CACNG3: variants seen among roughly 807,000 people sequenced by gnomAD.
CACNG3 encodes calcium voltage-gated channel auxiliary subunit gamma 3, also known as voltage-dependent calcium channel gamma-3 subunit.
In CACNG3, 3 loss-of-function variants were observed where a neutral mutation model predicts 28.5. That is an observed-to-expected ratio of 0.11 (90% confidence interval 0.05 to 0.27). The LOEUF is 0.27. Among genes scored for constraint, CACNG3 ranks in the 10% least tolerant of loss-of-function variants. The pLI is 1.00. For missense variants in CACNG3, 236 were observed against 414.4 expected (o/e 0.57, Z 3.74); for synonymous variants, 174 against 162.2 (o/e 1.07, Z -0.55).
At chr16:24,310,788 T>C (rs1009668703) in intron 1 of CACNG3, among the ~76,000 whole-genome samples, 10 of 152,130 alleles carry the variant, frequency 6.6e-5, no homozygotes, top group African/African-American at 2.4e-4. Context: ...TGAACCTGGA[T>C]AGTCTGCCTC....
intron 1 of CACNG3, among the ~76,000 whole-genome samples, chr16:24,317,704 G>GA (rs1328326965): frequency 8.4e-5 from 9 of 107,114 alleles, no homozygotes; most frequent in African/African-American, 1.6e-4. Context: ...AAGAAAGAAA[G>GA]AAAGAAAGAA....
At position 24,256,548 on chromosome 16, in the gene CACNG3, T is replaced by C; in HGVS notation, c.-207T>C. 1.7e-6 allele frequency: 1 copy of C among 578,874 alleles called. No homozygotes were observed. The highest frequency in any genetic ancestry group is 3.0e-5 in the Admixed American group (1 of 33,206). The allele number at this position is 578,874 out of a possible 1,614,324, so 35.9% of individuals were successfully genotyped here. On this transcript the variant is annotated 5_prime_UTR_variant, in exon 1 of 4. Transcript: ENST00000005284. This position sits in a 1 kb window ranked among gnomAD's most constrained non-coding sequence, Gnocchi z 4.6. ...GACCAACCCCCCGGAGCCTGCACCC[T>C]TCCGAGGGCCATAGGCGACCCAGGG...
At chr16:24,280,840 A>AAAAAAC in intron 1 of CACNG3, among the ~76,000 whole-genome samples, 1 of 151,184 alleles carries the variant, frequency 6.6e-6, no homozygotes, top group Non-Finnish European at 1.5e-5. Flanking sequence ...AAAAAAAAAA[A>AAAAAAC]AAAAAGACCA....
chr16:24,313,942 G>A (rs954056025), intron 1 of CACNG3, among the ~76,000 whole-genome samples: 4 of 151,600 alleles, frequency 2.6e-5, no homozygotes, highest in Admixed American at 1.3e-4. Flanking sequence ...ACAGGATATC[G>A]CCATGTTGGC....
chr16:24,356,423 T>C (rs1173391289), intron 3 of CACNG3, among the ~76,000 whole-genome samples: 1 of 152,212 alleles, frequency 6.6e-6, no homozygotes, highest in Non-Finnish European at 1.5e-5. Flanking sequence ...CAACTGCAGC[T>C]GGGCTTGGTG....
intron 2 of CACNG3, among the ~76,000 whole-genome samples, chr16:24,353,184 A>G (rs1032578736): frequency 2.6e-5 from 4 of 152,104 alleles, no homozygotes; most frequent in Non-Finnish European, 4.4e-5. Context: ...CATGTTGCCC[A>G]GGTTGGTCTT....
rs545924418 is a variant in CACNG3 at position 24,322,732 on chromosome 16, C to T, written c.212-24002C>T. On this transcript the variant is annotated intron_variant, in intron 1 of 3. Coordinates refer to ENST00000005284, the MANE Select transcript of CACNG3 (RefSeq NM_006539.4). ...CTTAAAGTAACTTTCTCAGTCATTC[C>T]GTGTGCATATTGAGACATATCTATA... Among the ~76,000 whole-genome samples the T allele has an allele frequency of 5.9e-5, 9 of 152,194 alleles. No homozygotes were observed. In the South Asian group the frequency reaches 1.5e-3, roughly 25 times the overall value.
chr16:24,272,833 T>C (rs1248021588), intron 1 of CACNG3, among the ~76,000 whole-genome samples: 1 of 152,216 alleles, frequency 6.6e-6, no homozygotes, highest in African/African-American at 2.4e-5. Flanking sequence ...TATTCCATTA[T>C]ATAATTGCTT....
intron 1 of CACNG3, among the ~76,000 whole-genome samples, chr16:24,298,975 C>T (rs1899069898): frequency 6.6e-6 from 1 of 152,194 alleles, no homozygotes; most frequent in East Asian, 1.9e-4. Context: ...ACATGACTCA[C>T]CACTGATGAC....
At chr16:24,268,416 G>T (rs1329533832) in intron 1 of CACNG3, among the ~76,000 whole-genome samples, 1 of 152,144 alleles carries the variant, frequency 6.6e-6, no homozygotes, top group Non-Finnish European at 1.5e-5. Context: ...ACCTGGGCTG[G>T]TGGGTTGGGT....
At chr16:24,289,205 C>T (rs956093882) in intron 1 of CACNG3, among the ~76,000 whole-genome samples, 4 of 152,016 alleles carry the variant, frequency 2.6e-5, no homozygotes, top group African/African-American at 9.7e-5. Flanking sequence ...CCGATGAATT[C>T]GCCTTAGAAC....
At chr16:24,338,671 G>A (rs754046051) in intron 1 of CACNG3, among the ~76,000 whole-genome samples, 6 of 152,024 alleles carry the variant, frequency 3.9e-5, no homozygotes, top group South Asian at 4.1e-4. Context: ...TTCAAAGCTC[G>A]GTTATATTGT....
chr16:24,362,193 A>AG lies in CACNG3; in HGVS notation c.*336dup, dbSNP rs1900111203. On this transcript the variant is annotated 3_prime_UTR_variant, in exon 4 of 4. Coordinates refer to ENST00000005284, the MANE Select transcript of CACNG3 (RefSeq NM_006539.4). ...TTACTAAAAGTCACAGGTGGTGGCCAGGGGGGATTTCCGAATCTCCATCAG... is the reference window on the plus strand; with the variant it reads ...TTACTAAAAGTCACAGGTGGTGGCCAGGGGGGGATTTCCGAATCTCCATCAG... 4.6e-6 allele frequency: 1 copy of AG among 217,196 alleles called. No homozygotes were observed. The allele number at this position is 217,196 out of a possible 1,614,324, so 13.5% of individuals were successfully genotyped here.
At chr16:24,305,910 C>G (rs1275548671) in intron 1 of CACNG3, among the ~76,000 whole-genome samples, 1 of 152,112 alleles carries the variant, frequency 6.6e-6, no homozygotes, top group South Asian at 2.1e-4. Context: ...TGGCCTTAAG[C>G]AATTCTCTGC....
intron 1 of CACNG3, among the ~76,000 whole-genome samples, chr16:24,284,818 A>T (rs529593624): frequency 5.3e-5 from 8 of 152,304 alleles, no homozygotes; most frequent in African/African-American, 1.9e-4. Context: ...CAGCAAAGTC[A>T]CTAGACCTCG....
At chr16:24,335,246 G>A (rs928632950) in intron 1 of CACNG3, among the ~76,000 whole-genome samples, 3 of 151,776 alleles carry the variant, frequency 2.0e-5, no homozygotes, top group South Asian at 2.1e-4. Context: ...ATGGTGAAAC[G>A]CTGTCTGTAC....
chr16:24,264,394 A>G (rs1447467964), intron 1 of CACNG3, among the ~76,000 whole-genome samples: 1 of 152,202 alleles, frequency 6.6e-6, no homozygotes, highest in East Asian at 1.9e-4. Flanking sequence ...TTTTCAGTGG[A>G]AGGAGCCAGG....
intron 1 of CACNG3, among the ~76,000 whole-genome samples, chr16:24,298,650 A>G (rs1384996193): frequency 6.6e-6 from 1 of 152,172 alleles, no homozygotes; most frequent in Non-Finnish European, 1.5e-5. Flanking sequence ...ACACATTGTT[A>G]TTAACTACAT....
chr16:24,278,894 C>T (rs1229207848), intron 1 of CACNG3, among the ~76,000 whole-genome samples: 1 of 152,160 alleles, frequency 6.6e-6, no homozygotes, highest in African/African-American at 2.4e-5. Context: ...GGAGAAAAAT[C>T]TTCCAAAAGG....
Sources: allele counts gnomAD v4.1 joint callset (sites outside exome capture counted in the v4.1 genomes callset), GRCh38; gene constraint gnomAD v4.1.1; non-coding constraint Gnocchi (gnomAD v3.1); transcripts MANE v1.5; gene names NCBI Gene and HGNC (gene_info 2026-07-23, HGNC 2026-07-21).